MYOF: variants seen among roughly 807,000 people sequenced by gnomAD.
MYOF encodes the protein fer-1-like 3, myoferlin.
A neutral mutation model predicts 284.2 loss-of-function variants in MYOF; 244 were observed. That is an observed-to-expected ratio of 0.86 (90% CI 0.77 to 0.95). The LOEUF (loss-of-function observed/expected upper bound fraction) is 0.95. MYOF is among the 40% of genes least tolerant of loss of function. The pLI is 0.00. For missense variants in MYOF, 2,496 were observed against 2,560.6 expected (o/e 0.97, Z 0.54); for synonymous variants, 904 against 919.7 (o/e 0.98, Z 0.31).
chr10:93,412,019 A>G (rs1847918750), intron 5 of MYOF, among the ~76,000 whole-genome samples: 1 of 152,088 alleles, frequency 6.6e-6, no homozygotes, highest in East Asian at 1.9e-4. Flanking sequence ...CTCACTTCAC[A>G]CTTCCTTCAA....
chr10:93,353,745 C>T lies in MYOF; in HGVS notation c.3481+66G>A, dbSNP rs114664598. 1.4e-3 allele frequency: 1,826 copies of T among 1,347,258 alleles called. 24 individuals are homozygous for T. In the African/African-American group the frequency reaches 0.024, roughly 17 times the overall value. 83.5% of individuals were successfully genotyped at this position (1,347,258 alleles called of 1,614,324 possible). ...TTAGAAATGACAAAAAGCATTCACT[C>T]GAAACACAGAAGCAAAATAGCATGC... On this transcript the variant is annotated intron_variant, in intron 32 of 53. Transcript: ENST00000359263.
In MYOF at chr10:93,408,872, T is replaced by A; in HGVS notation, c.644A>T (p.Asn215Ile). The A allele has an allele frequency of 6.2e-7, 1 of 1,614,216 alleles. No homozygotes were observed. Among genetic ancestry groups the A allele is most frequent in the Non-Finnish European group, 8.5e-7 (1 of 1,180,028 alleles). The change falls in exon 7 of 54, where the codon AAC becomes ATC. Residue 215 changes from asparagine to isoleucine, a missense_variant. By Grantham distance (149) the Asn-to-Ile change is moderately radical (BLOSUM62 -3). Transcript: ENST00000359263. ...VIEGRQLSGN[N>I]IRPVVKVHVC... ...GTGAACTTTGACCACAGGCCTTATG[T>A]TGTTACCACTTAACTGTCGGCCCTC...
At chr10:93,315,004 T>A (rs1410473454) in intron 50 of MYOF, among the ~76,000 whole-genome samples, 1 of 152,146 alleles carries the variant, frequency 6.6e-6, no homozygotes, top group Non-Finnish European at 1.5e-5. Context: ...TGATCCTAGA[T>A]CATGCCACTG....
At chr10:93,339,057 A>AG (rs56718669) in intron 39 of MYOF, among the ~76,000 whole-genome samples, 45,860 of 138,488 alleles carry the variant, frequency 0.33, 8,940 homozygotes, top group East Asian at 0.89. Context: ...TCTGTTGCCC[A>AG]GCTGGAGTGC....
At chr10:93,401,245 A>G (rs1371354556) in intron 12 of MYOF, among the ~76,000 whole-genome samples, 173 bp downstream of exon 12, 1 of 152,220 alleles carries the variant, frequency 6.6e-6, no homozygotes, top group Admixed American at 6.5e-5. Flanking sequence ...CTGTGCCATG[A>G]GCCTGCTCAG....
chr10:93,369,760 T>C lies in MYOF; in HGVS notation c.2474A>G (p.Asn825Ser), dbSNP rs781556768. The C allele has an allele frequency of 6.2e-7, 1 of 1,614,128 alleles. No homozygotes were observed. The highest frequency in any genetic ancestry group is 2.2e-5 in the East Asian group (1 of 44,882). ...TIFLKYPQEKNNGPKVPVELR... is the reference protein window; with the variant it reads ...TIFLKYPQEKSNGPKVPVELR... ...CTCCACAGGCACCTTTGGCCCGTTG[T>C]TTTTCTCCTGTGGATACTGTGAGAT... Residue 825 changes from asparagine (N) to serine (S), a missense_variant, in exon 25 of 54, where the codon AAC (asparagine) becomes AGC (serine). Coordinates refer to ENST00000359263, the MANE Select transcript of MYOF (RefSeq NM_013451.4).
chr10:93,340,278 T>C, intron 38 of MYOF, 114 bp from the exon 39 acceptor site: 1 of 1,029,492 alleles, frequency 9.7e-7, no homozygotes, highest in South Asian at 1.4e-5. Context: ...TTATTATTCA[T>C]GCATGCCTTA....
chr10:93,377,295 T>A, intron 22 of MYOF, 28 bp downstream of exon 22: 1 of 1,527,596 alleles, frequency 6.5e-7, no homozygotes, highest in Non-Finnish European at 9.1e-7. Flanking sequence ...TGGATGAAAA[T>A]TCTGAGATAG....
intron 5 of MYOF, among the ~76,000 whole-genome samples, chr10:93,414,515 G>T (rs1206231259): frequency 6.6e-6 from 1 of 152,066 alleles, no homozygotes; most frequent in Non-Finnish European, 1.5e-5. Context: ...CTCCAGCCTG[G>T]GCATCAGAGA....
At chr10:93,453,490 G>T (rs1008099403) in intron 2 of MYOF, among the ~76,000 whole-genome samples, 12 of 152,088 alleles carry the variant, frequency 7.9e-5, no homozygotes, top group Non-Finnish European at 1.6e-4. Flanking sequence ...ATAGAAACAG[G>T]GTTTCACCAT....
At chr10:93,408,194 T>TTAGCTTTTAGATATCTAAAAGCTAGA (rs903177664) in intron 7 of MYOF, among the ~76,000 whole-genome samples, 113 of 152,246 alleles carry the variant, frequency 7.4e-4, no homozygotes, top group Middle Eastern at 3.4e-3. Flanking sequence ...TTCACATCAT[T>TTAGCTTTTAGATATCTAAAAGCTAGA]TAGCTTTTAG....
rs367616883 is a variant in MYOF at position 93,366,587 on chromosome 10, C to T, written c.2590-32G>A. 107 of 1,553,882 alleles carry T rather than the reference C, an allele frequency of 6.9e-5. No homozygotes were observed. In the African/African-American group the frequency reaches 1.2e-3, roughly 18 times the overall value. Reference sequence around the variant, plus strand: ...AAAAAGAGATAAAATTGGAGAAACACCATCAGAGAGCAAAAAATAAAGCTA... The same window carrying T: ...AAAAAGAGATAAAATTGGAGAAACATCATCAGAGAGCAAAAAATAAAGCTA... On this transcript the variant is annotated intron_variant, in intron 25 of 53. Coordinates refer to ENST00000359263, the MANE Select transcript of MYOF (RefSeq NM_013451.4).
intron 1 of MYOF, among the ~76,000 whole-genome samples, chr10:93,475,145 C>T (rs116937282): frequency 6.6e-6 from 1 of 152,250 alleles, no homozygotes; most frequent in East Asian, 1.9e-4. Context: ...GGCCTTTGTA[C>T]CCTCATGCCC....
At chr10:93,399,757 A>T (rs1017874154) in intron 12 of MYOF, among the ~76,000 whole-genome samples, 1 of 152,164 alleles carries the variant, frequency 6.6e-6, no homozygotes, top group Admixed American at 6.5e-5. Flanking sequence ...CTGTAATCCC[A>T]GCTACTCGGG....
At position 93,369,606 on chromosome 10, in the gene MYOF, C is replaced by T. The variant is rs139932416; in HGVS notation, c.2589+39G>A. ...GTGAAAAGTAAAAGTGCCCCTCCCC[C>T]GACCAAAGAAGAAAAGATAGTGAAA... is the stretch of plus-strand genomic sequence containing the variant. On this transcript the variant is annotated intron_variant, in intron 25 of 53. Coordinates refer to ENST00000359263, the MANE Select transcript of MYOF (RefSeq NM_013451.4). 2.2e-5 allele frequency: 35 copies of T among 1,610,674 alleles called. No individual in the cohort carries two copies. The East Asian group carries it at 2.9e-4, about 13-fold the overall frequency.
Position 93,323,071 on chromosome 10 carries a change from A to T in MYOF, c.5456+7T>A, listed in dbSNP as rs781745551. ...GCTTGGCAAAGTCTCTCACATGCTA[A>T]CCTTACCCTTTGACGTAGATGTCAC... On this transcript the variant is annotated splice_region_variant and intron_variant, in intron 48 of 53. Transcript: ENST00000359263. 1.6e-5 allele frequency: 25 copies of T among 1,612,088 alleles called. No individual in the cohort carries two copies. Among genetic ancestry groups the T allele is most frequent in the Non-Finnish European group, 2.0e-5 (23 of 1,178,250 alleles).
At chr10:93,459,078 G>C (rs17482091) in intron 1 of MYOF, among the ~76,000 whole-genome samples, 2 of 152,164 alleles carry the variant, frequency 1.3e-5, no homozygotes, top group Non-Finnish European at 2.9e-5. Flanking sequence ...GCTCCTCGTC[G>C]GCTTGTGCCC....
At position 93,362,937 on chromosome 10, in the gene MYOF, C is replaced by T. The variant is rs11187397; in HGVS notation, c.2868+1024G>A. 9.1e-3 allele frequency among the ~76,000 whole-genome samples: 1,382 copies of T among 152,190 alleles called. 8 individuals carry two copies. The highest frequency in any genetic ancestry group is 0.015 in the Non-Finnish European group (1,003 of 68,004). ...TAGACCAACCAAATGCAAGGATCTT[C>T]CCTACAGATAAACGTTCATAAACAT... On this transcript the variant is annotated intron_variant, in intron 27 of 53. Coordinates refer to ENST00000359263, the MANE Select transcript of MYOF (RefSeq NM_013451.4).
chr10:93,369,372 G>T (rs986080474), intron 25 of MYOF, among the ~76,000 whole-genome samples: 1 of 152,050 alleles, frequency 6.6e-6, no homozygotes, highest in Non-Finnish European at 1.5e-5. Flanking sequence ...AGTATTGCTA[G>T]TAAGATTGTG....
Sources: gnomAD v4.1 joint callset for allele counts (sites outside exome capture counted in the v4.1 genomes callset) on GRCh38, gnomAD v4.1.1 for gene constraint, MANE v1.5 for transcripts, NCBI Gene and HGNC (gene_info 2026-07-23, HGNC 2026-07-21) for gene names.